OPALIN: variants seen among roughly 807,000 people sequenced by gnomAD.
OPALIN encodes oligodendrocytic myelin paranodal and inner loop protein.
OPALIN carries 15 observed loss-of-function variants against 17.8 expected under a neutral mutation model. The ratio of observed to expected loss-of-function variants is 0.84; its 90% CI spans 0.56 to 1.29. OPALIN has a LOEUF of 1.29. Among genes scored for constraint, OPALIN ranks in the 50% most tolerant of loss-of-function variants. OPALIN has a pLI of 0.00. For missense variants in OPALIN, 170 were observed against 176.0 expected, an observed-to-expected ratio of 0.97 and a Z score of 0.19; for synonymous variants, 62 against 63.8, an observed-to-expected ratio of 0.97 and a Z score of 0.14.
At chr10:96,353,376 C>CA in intron 2 of OPALIN, 1 of 1,605,010 alleles carries the variant, frequency 6.2e-7, no homozygotes, top group Non-Finnish European at 8.5e-7. Context: ...CTGGCATTCC[C>CA]AGGCTACCCA....
chr10:96,351,481 T>G, intron 2 of OPALIN, 71 bp from the exon 3 acceptor site: 2 of 944,154 alleles, frequency 2.1e-6, no homozygotes, highest in South Asian at 4.2e-5. Context: ...CAAGACAATC[T>G]GCCAAAGTTT....
intron 2 of OPALIN, among the ~76,000 whole-genome samples, chr10:96,352,807 C>A (rs578124886): frequency 2.9e-4 from 44 of 152,188 alleles, no homozygotes; most frequent in Non-Finnish European, 5.3e-4. Context: ...CTTGTGTGAA[C>A]CGAAGGCACC....
At chr10:96,351,815 T>C (rs566788793) in intron 2 of OPALIN, among the ~76,000 whole-genome samples, 109 of 152,296 alleles carry the variant, frequency 7.2e-4, no homozygotes, top group African/African-American at 2.3e-3. Flanking sequence ...TGTTTTCAAG[T>C]ATGTGATGAA....
Position 96,345,742 on chromosome 10 carries a change from AG to A in OPALIN, c.*198del. 1.8e-6 allele frequency: 1 copy of A among 542,618 alleles called. No homozygotes were observed. Among genetic ancestry groups the A allele is most frequent in the Non-Finnish European group, 3.2e-6 (1 of 308,046 alleles). 33.6% of individuals were successfully genotyped at this position (542,618 alleles called of 1,614,324 possible). A position where few individuals can be genotyped will look rare whatever the true frequency, so the allele number is the denominator to read the frequency against. ...CTGGTGAGTCACATGTACTAACTAAAGCACAAGATCTGAGAGTTGGAATTAA... is the reference window on the plus strand; with the variant it reads ...CTGGTGAGTCACATGTACTAACTAAACACAAGATCTGAGAGTTGGAATTAA... On this transcript the variant is annotated 3_prime_UTR_variant, in exon 6 of 6. Transcript: ENST00000371172.
At chr10:96,356,003 T>C (rs1750791511) in intron 1 of OPALIN, among the ~76,000 whole-genome samples, 1 of 152,224 alleles carries the variant, frequency 6.6e-6, no homozygotes, top group Admixed American at 6.5e-5. Flanking sequence ...CCCTAGCCCC[T>C]GTTACTCTAG....
At chr10:96,357,498 C>T (rs1845867448) in intron 1 of OPALIN, among the ~76,000 whole-genome samples, 1 of 152,168 alleles carries the variant, frequency 6.6e-6, no homozygotes, top group Non-Finnish European at 1.5e-5. Context: ...TTCGAGCCCA[C>T]ACTTAGCCAC....
In OPALIN at chr10:96,344,888, A is replaced by T. The variant is rs1007400116; in HGVS notation, c.*1053T>A. The T allele has an allele frequency of 6.6e-6, 1 of 152,252 alleles. No individual in the cohort carries two copies. Among genetic ancestry groups the T allele is most frequent in the African/African-American group, 2.4e-5 (1 of 41,468 alleles). 9.4% of individuals were successfully genotyped at this position (152,252 alleles called of 1,614,324 possible). ...GTTTTAATATGAAACATGAATTTCC[A>T]TCAACATTAACATCTTTAAGGTTAA... On this transcript the variant is annotated 3_prime_UTR_variant, in exon 6 of 6. Coordinates refer to ENST00000371172, the MANE Select transcript of OPALIN (RefSeq NM_033207.5).
At chr10:96,350,553 G>T (rs1229136916) in intron 3 of OPALIN, among the ~76,000 whole-genome samples, 1 of 152,146 alleles carries the variant, frequency 6.6e-6, no homozygotes, top group East Asian at 1.9e-4. Context: ...AAATTTATTT[G>T]CACTTAATGT....
chr10:96,347,381 A>G (rs1313295375), intron 5 of OPALIN, among the ~76,000 whole-genome samples: 1 of 152,100 alleles, frequency 6.6e-6, no homozygotes, highest in African/African-American at 2.4e-5. Flanking sequence ...GGCGTGAGCC[A>G]CCGCACCCAG....
In OPALIN at chr10:96,348,305, T is replaced by C. The variant is rs765650360; in HGVS notation, c.233A>G (p.Asn78Ser). Reference protein sequence around the residue: ...RPCEISEIDDNPKISENPRRS... With the variant: ...RPCEISEIDDSPKISENPRRS... ...AGTTCTTACCTCAGATATCTTGGGA[T>C]TGTCATCAATTTCTGAAATTTCACA... Residue 78 changes from asparagine (N) to serine (S), a missense_variant, in exon 5 of 6, where the codon AAT (asparagine) becomes AGT (serine). Coordinates refer to ENST00000371172, the MANE Select transcript of OPALIN (RefSeq NM_033207.5). The C allele has an allele frequency of 6.5e-7, 1 of 1,545,294 alleles. No individual in the cohort carries two copies. The highest frequency in any genetic ancestry group is 8.9e-7 in the Non-Finnish European group (1 of 1,120,866).
intron 2 of OPALIN, 75 bp downstream of exon 2, chr10:96,355,180 A>T: frequency 9.6e-7 from 1 of 1,041,956 alleles, no homozygotes; most frequent in South Asian, 1.3e-5. Flanking sequence ...GGTTTATGTG[A>T]GTTCTGGAGA....
intron 3 of OPALIN, among the ~76,000 whole-genome samples, chr10:96,350,545 A>G (rs1247659600): frequency 6.6e-6 from 1 of 152,234 alleles, no homozygotes; most frequent in Non-Finnish European, 1.5e-5. Context: ...AATTAAAAAA[A>G]TTTATTTGCA....
chr10:96,353,193 T>A (rs1462223798), intron 2 of OPALIN, among the ~76,000 whole-genome samples: 1 of 152,234 alleles, frequency 6.6e-6, no homozygotes, highest in African/African-American at 2.4e-5. Context: ...CATGGCCTAA[T>A]GCAGTGTCTT....
chr10:96,344,078 T>G lies in OPALIN; in HGVS notation c.*1863A>C, dbSNP rs1845206442. ...GCTCCTTGGCCCATTCCTGTGGTCC[T>G]GTCTCCATCCCCTTGGGTCCTCTTG... On this transcript the variant is annotated 3_prime_UTR_variant, in exon 6 of 6. Transcript: ENST00000371172. 6.6e-6 allele frequency: 1 copy of G among 152,264 alleles called. No individual in the cohort carries two copies. 9.4% of individuals were successfully genotyped at this position (152,264 alleles called of 1,614,324 possible).
rs201844051 is a variant in OPALIN at position 96,355,273 on chromosome 10, G to C, written c.21C>G (p.Phe7Leu). MSFSLN[F>L]TLPANTTSSP... ...TACTTACTGTGTTCGCCGGCAGGGT[G>C]AAGTTCAGTGAAAAACTCTGCAAGA... Residue 7 changes from phenylalanine (F) to leucine (L), a missense_variant, in exon 2 of 6, where the codon TTC (phenylalanine) becomes TTG (leucine). Transcript: ENST00000371172. 1 of 1,614,028 alleles carries C rather than the reference G, an allele frequency of 6.2e-7. No individual in the cohort carries two copies. The highest frequency in any genetic ancestry group is 8.5e-7 in the Non-Finnish European group (1 of 1,179,972).
intron 4 of OPALIN, 97 bp from the exon 5 acceptor site, chr10:96,348,442 A>G: frequency 1.7e-6 from 1 of 597,766 alleles, no homozygotes; most frequent in Non-Finnish European, 2.8e-6. Flanking sequence ...AGTGCTTTTT[A>G]AATCTGAGTG....
At chr10:96,347,533 G>A (rs1461254356) in intron 5 of OPALIN, among the ~76,000 whole-genome samples, 1 of 151,554 alleles carries the variant, frequency 6.6e-6, no homozygotes, top group Non-Finnish European at 1.5e-5. Context: ...GTGCAGTGGT[G>A]CGATCTCAGC....
intron 2 of OPALIN, chr10:96,353,330 A>T: frequency 6.4e-7 from 1 of 1,567,554 alleles, no homozygotes; most frequent in Non-Finnish European, 8.7e-7. Flanking sequence ...GCAGAGAGGG[A>T]TCCAGGTGCC....
At chr10:96,347,661 C>T (rs952139988) in intron 5 of OPALIN, among the ~76,000 whole-genome samples, 6 of 149,630 alleles carry the variant, frequency 4.0e-5, no homozygotes, top group African/African-American at 1.5e-4. Flanking sequence ...TTAGTAGACA[C>T]AGGGTTTCAC....
Sources: allele counts gnomAD v4.1 joint callset (sites outside exome capture counted in the v4.1 genomes callset), GRCh38; gene constraint gnomAD v4.1.1; transcripts MANE v1.5; gene names NCBI Gene and HGNC (gene_info 2026-07-23, HGNC 2026-07-21).